YTHDF1: variants seen among roughly 807,000 people sequenced by gnomAD.
The protein encoded by YTHDF1 is YTH N6-methyladenosine RNA binding protein F1.
YTHDF1 carries 16 observed loss-of-function variants against 49.1 expected under a neutral mutation model. That is an observed-to-expected ratio of 0.33 (90% confidence interval 0.22 to 0.49). YTHDF1 has a LOEUF of 0.49. Ranked by LOEUF, YTHDF1 falls within the 20% of genes least tolerant of loss-of-function variation. The pLI is 0.99. For synonymous variants in YTHDF1, 313 were observed against 290.1 expected (o/e 1.08, Z -0.80); for missense variants, 621 against 744.3 (o/e 0.83, Z 1.93).
rs138086979 is a variant in YTHDF1 at position 63,197,114 on chromosome 20, C to A, written c.1654-380G>T. Among the ~76,000 whole-genome samples, 710 of 152,332 alleles carry A rather than the reference C, an allele frequency of 4.7e-3. 7 individuals carry two copies. The highest frequency in any genetic ancestry group is 0.016 in the African/African-American group (655 of 41,568). On this transcript the variant is annotated intron_variant, in intron 4 of 4. Transcript: ENST00000370339. ...GCACTCAGAGGGAGGAGCTGGCACGCACCAGGCTCTCAAGGAGGCCAGGGA... is the reference window on the plus strand; with the variant it reads ...GCACTCAGAGGGAGGAGCTGGCACGAACCAGGCTCTCAAGGAGGCCAGGGA...
rs1195618169 is a variant in YTHDF1, at chr20:63,203,815, A to C, written c.133-8T>G. On this transcript the variant is annotated splice_region_variant and splice_polypyrimidine_tract_variant and intron_variant, in intron 3 of 4. Transcript: ENST00000370339. This position sits in a 1 kb window ranked among gnomAD's most constrained non-coding sequence, Gnocchi z 4.4. Reference sequence around the variant, plus strand: ...TGAGGGGTAACTGTTACTCTGCAAAAGCAAACGTGACAAGTTACACCACTT... The same window carrying C: ...TGAGGGGTAACTGTTACTCTGCAAACGCAAACGTGACAAGTTACACCACTT... 1 of 1,586,564 alleles carries C rather than the reference A, an allele frequency of 6.3e-7. No individual in the cohort carries two copies. The highest frequency in any genetic ancestry group is 2.3e-5 in the East Asian group (1 of 44,302).
intron 3 of YTHDF1, among the ~76,000 whole-genome samples, chr20:63,209,128 T>C (rs1419134910): frequency 6.6e-6 from 1 of 152,242 alleles, no homozygotes; most frequent in Admixed American, 6.5e-5. Context: ...ACGGGACACC[T>C]GTACAGAGCA....
chr20:63,215,906 C>G lies in YTHDF1; in HGVS notation c.-14G>C. 3 of 1,410,060 alleles carry G rather than the reference C, an allele frequency of 2.1e-6. No homozygotes were observed. The highest frequency in any genetic ancestry group is 2.8e-6 in the Non-Finnish European group (3 of 1,077,370). 87.3% of individuals were successfully genotyped at this position (1,410,060 alleles called of 1,614,324 possible). On this transcript the variant is annotated 5_prime_UTR_variant, in exon 1 of 5. Transcript: ENST00000370339. ...GGTGGCCGACATGCTTCATGAACAA[C>G]TAGACGCGGGGCCGGGGCGCCCGCC...
At chr20:63,215,162 G>A (rs2122996604) in intron 2 of YTHDF1, among the ~76,000 whole-genome samples, 1 of 152,362 alleles carries the variant, frequency 6.6e-6, no homozygotes, top group African/African-American at 2.4e-5. Context: ...CACAGGAGAT[G>A]CTAACAGACT....
At chr20:63,210,638 A>AT (rs2122989528) in intron 3 of YTHDF1, among the ~76,000 whole-genome samples, 1 of 152,220 alleles carries the variant, frequency 6.6e-6, no homozygotes, top group South Asian at 2.1e-4. Context: ...ACCAAAAAAA[A>AT]TTAGCCAGGC....
At chr20:63,214,656 A>ACGGCTGCATTCTTT (rs2066592699) in intron 2 of YTHDF1, among the ~76,000 whole-genome samples, 1 of 152,154 alleles carries the variant, frequency 6.6e-6, no homozygotes, top group Non-Finnish European at 1.5e-5. Context: ...TAAGAGACAA[A>ACGGCTGCATTCTTT]CGGCTGCATT....
intron 3 of YTHDF1, among the ~76,000 whole-genome samples, chr20:63,210,419 T>C (rs1283353788): frequency 6.6e-6 from 1 of 152,166 alleles, no homozygotes; most frequent in Non-Finnish European, 1.5e-5. Flanking sequence ...TCTGGGTCAT[T>C]TCACAGTCTT....
At chr20:63,214,471 C>A (rs1022358675) in intron 2 of YTHDF1, among the ~76,000 whole-genome samples, 8 of 152,188 alleles carry the variant, frequency 5.3e-5, no homozygotes, top group African/African-American at 1.9e-4. Context: ...TAAGGACACA[C>A]CCATGATACA....
intron 4 of YTHDF1, among the ~76,000 whole-genome samples, chr20:63,197,461 G>A (rs940949488): frequency 6.6e-6 from 1 of 152,170 alleles, no homozygotes; most frequent in Non-Finnish European, 1.5e-5. Flanking sequence ...ACTTACACCC[G>A]AATCTTTTCC....
At chr20:63,211,829 T>C (rs1244407993) in intron 3 of YTHDF1, among the ~76,000 whole-genome samples, 2 of 152,116 alleles carry the variant, frequency 1.3e-5, no homozygotes, top group Non-Finnish European at 2.9e-5. Flanking sequence ...TAGTGGTGCA[T>C]GCCTGTAGTC....
rs2066597951 is a variant in YTHDF1 at position 63,215,595 on chromosome 20, T to C, written c.34A>G (p.Lys12Glu). The C allele has an allele frequency of 1.9e-6, 3 of 1,611,672 alleles. 1 individual carries two copies. In the South Asian group the frequency reaches 3.3e-5, roughly 18 times the overall value. The change falls in exon 2 of 5, where the codon AAA (lysine) becomes GAA (glutamate). Residue 12 changes from lysine (K) to glutamate (E), a missense_variant. This residue lies in a region of YTHDF1 where 470 missense variants were observed against 495.8 expected (regional missense o/e 0.95). Transcript: ENST00000370339. ...CGCTCACCTTTATTATCTTGTCCTT[T>C]TGTTCTCTGCACCGCCGCAGGCCGG... Reference protein sequence around the residue: ...SATSVDTQRTKGQDNKVQNGS... With the variant: ...SATSVDTQRTEGQDNKVQNGS...
At chr20:63,214,215 A>G in intron 2 of YTHDF1, 1 of 694,450 alleles carries the variant, frequency 1.4e-6, no homozygotes, top group Non-Finnish European at 1.8e-6. Context: ...TAATGCAAGG[A>G]ACACATAACC....
Position 63,215,861 on chromosome 20 carries a change from G to A in YTHDF1, c.27+5C>T. The A allele has an allele frequency of 1.4e-6, 2 of 1,454,372 alleles. No homozygotes were observed. The highest frequency in any genetic ancestry group is 9.1e-7 in the Non-Finnish European group (1 of 1,103,842). 90.1% of individuals were successfully genotyped at this position (1,454,372 alleles called of 1,614,324 possible). On this transcript the variant is annotated splice_donor_5th_base_variant and intron_variant, in intron 1 of 4. Transcript: ENST00000370339. The stretch of plus-strand genomic sequence containing the variant: ...GCCGCGGCCCCTGTAACCCGGCCCC[G>A]CTACCTGGGTGTCCACGCTGGTGGC...
In YTHDF1 at chr20:63,198,804, C is replaced by A. The variant is rs115524363; in HGVS notation, c.1654-2070G>T. ...TCGAAGTGGGGTCAGGTCAGGGGCA[C>A]CTGCCGCCAGGGCAAGGACAGTCAG... On this transcript the variant is annotated intron_variant, in intron 4 of 4. Transcript: ENST00000370339. 4.2e-3 allele frequency among the ~76,000 whole-genome samples: 636 copies of A among 152,328 alleles called. 4 individuals are homozygous for A. The highest frequency in any genetic ancestry group is 0.015 in the African/African-American group (616 of 41,554).
intron 4 of YTHDF1, 151 bp downstream of exon 4, chr20:63,202,136 T>C (rs2066520139): frequency 2.0e-6 from 2 of 1,005,872 alleles, no homozygotes; most frequent in Non-Finnish European, 2.9e-6. Flanking sequence ...TGCCAGGACC[T>C]GGGCCCGCCC....
rs1455794594 is a variant in YTHDF1 at position 63,203,231 on chromosome 20, T to C, written c.709A>G (p.Ile237Val). ...TGTGGTTTTGCAGGCTTGCTGGCAA[T>C]GGCAGCCCACGAGGTCGGCTTTGAA... ...PVSKPTSWAA[I>V]ASKPAKPQPK... Residue 237 changes from isoleucine (I) to valine (V), a missense_variant, in exon 4 of 5, where the codon ATT (isoleucine) becomes GTT (valine). Transcript: ENST00000370339. This position sits in a 1 kb window ranked among gnomAD's most constrained non-coding sequence, Gnocchi z 4.4. 6.2e-7 allele frequency: 1 copy of C among 1,613,952 alleles called. No individual in the cohort carries two copies. The highest frequency in any genetic ancestry group is 1.7e-5 in the Admixed American group (1 of 60,026).
Position 63,196,854 on chromosome 20 carries a change from T to C in YTHDF1, c.1654-120A>G. 2.6e-6 allele frequency: 3 copies of C among 1,173,300 alleles called. No homozygotes were observed. In the South Asian group the frequency reaches 4.2e-5, roughly 16 times the overall value. 72.7% of individuals were successfully genotyped at this position (1,173,300 alleles called of 1,614,324 possible). On this transcript the variant is annotated intron_variant, in intron 4 of 4. Transcript: ENST00000370339. The stretch of plus-strand genomic sequence containing the variant: ...GCAAATCTGGAGGCGGGACCCTGAA[T>C]GGTACCCAAGCCACACCAGCACACA...
intron 4 of YTHDF1, among the ~76,000 whole-genome samples, chr20:63,200,791 G>A (rs1007672686): frequency 4.6e-5 from 7 of 152,276 alleles, no homozygotes; most frequent in South Asian, 2.1e-4. Context: ...AAAACTGTGC[G>A]CGCACACACA....
In YTHDF1 at chr20:63,200,258, G is replaced by A. The variant is rs539420950; in HGVS notation, c.1653+2029C>T. Among the ~76,000 whole-genome samples the A allele has an allele frequency of 2.6e-5, 4 of 152,108 alleles. No homozygotes were observed. The East Asian group carries it at 7.7e-4, about 29-fold the overall frequency. On this transcript the variant is annotated intron_variant, in intron 4 of 4. Coordinates refer to ENST00000370339, the MANE Select transcript of YTHDF1 (RefSeq NM_017798.4). ...CGCCTATGATCCCAGCTACTTGGGA[G>A]GCTGAGGCAGGAAAATGGCCTGAAC...
Sources: gnomAD v4.1 joint callset for allele counts (sites outside exome capture counted in the v4.1 genomes callset) on GRCh38, gnomAD v4.1.1 for gene constraint, gnomAD v4.1.1 regional missense constraint, Gnocchi (gnomAD v3.1) non-coding constraint, MANE v1.5 for transcripts, NCBI Gene and HGNC (gene_info 2026-07-23, HGNC 2026-07-21) for gene names.